Variants in TNKS2 observed in about 807,000 individuals in gnomAD.
TNKS2 encodes the protein poly [ADP-ribose] polymerase tankyrase-2.
In TNKS2, 72 loss-of-function variants were observed where a neutral mutation model predicts 137.6. That is an observed-to-expected ratio of 0.52 (90% confidence interval 0.43 to 0.64). The LOEUF (loss-of-function observed/expected upper bound fraction) is 0.64. TNKS2 is among the 30% of genes least tolerant of loss of function. The pLI is 0.00. For missense variants in TNKS2, 1,049 were observed against 1,410.2 expected (o/e 0.74, Z 4.10); for synonymous variants, 516 against 512.1 (o/e 1.01, Z -0.10).
At chr10:91,804,917 C>T (rs1024987187) in intron 1 of TNKS2, among the ~76,000 whole-genome samples, 9 of 152,120 alleles carry the variant, frequency 5.9e-5, no homozygotes, top group African/African-American at 2.2e-4. Flanking sequence ...GTATGTACCA[C>T]CACGCCTGGC....
At chr10:91,847,320 A>T (rs1264048432) in intron 18 of TNKS2, among the ~76,000 whole-genome samples, 1 of 152,116 alleles carries the variant, frequency 6.6e-6, no homozygotes, top group African/African-American at 2.4e-5. Flanking sequence ...GTACCAATAA[A>T]TGTGAGGACT....
intron 13 of TNKS2, among the ~76,000 whole-genome samples, chr10:91,839,215 A>G (rs1032204476): frequency 3.3e-5 from 5 of 152,198 alleles, no homozygotes; most frequent in Admixed American, 2.6e-4. Context: ...TTTATTATCT[A>G]TGTTGCTTTT....
At chr10:91,855,239 T>A (rs10881982) in intron 22 of TNKS2, 113 bp downstream of exon 22, 28,573 of 713,188 alleles carry the variant, frequency 0.04, 1,205 homozygotes, top group East Asian at 0.2. Flanking sequence ...ACCTATAAAA[T>A]CTGTTTTCAA....
Position 91,798,625 on chromosome 10 carries a change from C to T in TNKS2, c.-66C>T, listed in dbSNP as rs535054658. Reference sequence around the variant, plus strand: ...TTCTCCGGGGGGCCTCGCCCTCCTGCTCGCGGGGCCGGGGCTCCTGCTCCG... The same window carrying T: ...TTCTCCGGGGGGCCTCGCCCTCCTGTTCGCGGGGCCGGGGCTCCTGCTCCG... On this transcript the variant is annotated 5_prime_UTR_variant, in exon 1 of 27. Transcript: ENST00000371627. 2 of 1,208,916 alleles carry T rather than the reference C, an allele frequency of 1.7e-6. No homozygotes were observed. Among genetic ancestry groups the T allele is most frequent in the South Asian group, 4.2e-5 (1 of 23,704 alleles). 74.9% of individuals were successfully genotyped at this position (1,208,916 alleles called of 1,614,324 possible).
At chr10:91,819,593 C>A in intron 5 of TNKS2, 36 bp downstream of exon 5, 2 of 1,450,654 alleles carry the variant, frequency 1.4e-6, no homozygotes, top group Non-Finnish European at 1.9e-6. Context: ...TGCTTATCTC[C>A]TGGTAACATG....
At chr10:91,840,810 C>G in intron 14 of TNKS2, 104 bp downstream of exon 14, 2 of 1,173,716 alleles carry the variant, frequency 1.7e-6, no homozygotes, top group East Asian at 4.9e-5. Context: ...AAGCCTGTTT[C>G]CTAACATTGG....
At chr10:91,854,720 A>G (rs557459203) in intron 21 of TNKS2, among the ~76,000 whole-genome samples, 1 of 152,150 alleles carries the variant, frequency 6.6e-6, no homozygotes, top group East Asian at 1.9e-4. Flanking sequence ...CCTGACCAAC[A>G]TGGAGAAACT....
At position 91,817,211 on chromosome 10, in the gene TNKS2, G is replaced by C; in HGVS notation, c.502G>C (p.Ala168Pro). The change falls in exon 3 of 27, where the codon GCC (alanine) becomes CCC (proline). Residue 168 changes from alanine (A) to proline (P), a missense_variant. Physicochemically the swap from Ala to Pro is conservative, Grantham distance 27 (BLOSUM62 -1). Transcript: ENST00000371627. ...AGCATTGGATTTAGCAGATCCATCT[G>C]CCAAAGCAGTGCTTACTGGTAAGTC... ...RTALDLADPS[A>P]KAVLTGEYKK... 6.2e-7 allele frequency: 1 copy of C among 1,613,070 alleles called. No homozygotes were observed. Among genetic ancestry groups the C allele is most frequent in the Non-Finnish European group, 8.5e-7 (1 of 1,179,484 alleles).
intron 21 of TNKS2, among the ~76,000 whole-genome samples, chr10:91,854,758 CCA>C (rs1842649878): frequency 2.0e-5 from 3 of 151,880 alleles, no homozygotes; most frequent in Admixed American, 2.0e-4. Context: ...ACAAAATTAG[CCA>C]GTCGTGGTAG....
At chr10:91,835,222 T>G (rs1841963372) in intron 12 of TNKS2, among the ~76,000 whole-genome samples, 1 of 152,116 alleles carries the variant, frequency 6.6e-6, no homozygotes, top group Admixed American at 6.5e-5. Context: ...TAATCTGCAT[T>G]TCTGATTATG....
chr10:91,812,280 A>G (rs184239061), intron 1 of TNKS2, among the ~76,000 whole-genome samples: 17 of 152,278 alleles, frequency 1.1e-4, no homozygotes, highest in African/African-American at 4.1e-4. Context: ...GTATAAATAA[A>G]TTACCAGACT....
chr10:91,814,153 C>T (rs1488370985), intron 2 of TNKS2, among the ~76,000 whole-genome samples: 1 of 151,996 alleles, frequency 6.6e-6, no homozygotes, highest in Non-Finnish European at 1.5e-5. Flanking sequence ...AAAGACCTTC[C>T]AGTGGGAGAA....
intron 25 of TNKS2, among the ~76,000 whole-genome samples, chr10:91,860,136 A>G (rs1842815919): frequency 6.6e-6 from 1 of 152,216 alleles, no homozygotes; most frequent in Non-Finnish European, 1.5e-5. Context: ...TTGAAAGGAA[A>G]TAATAATCAA....
intron 23 of TNKS2, among the ~76,000 whole-genome samples, chr10:91,856,352 A>G (rs1452018645): frequency 2.6e-5 from 4 of 152,228 alleles, no homozygotes; most frequent in Non-Finnish European, 4.4e-5. Context: ...GACAGAATTA[A>G]TATGTGACAA....
At chr10:91,850,216 G>A (rs7096581) in intron 20 of TNKS2, among the ~76,000 whole-genome samples, 77,997 of 150,300 alleles carry the variant, frequency 0.52, 20,551 homozygotes, top group East Asian at 0.72. Flanking sequence ...AAAATACAAA[G>A]AAATTAGCCA....
rs972323328 is a variant in TNKS2, at chr10:91,798,870, C to T, written c.180C>T (p.Thr60=). The change falls in exon 1 of 27, where the codon ACC becomes ACT. Residue 60 remains threonine, a synonymous_variant. Transcript: ENST00000371627. ...GCGACACGGCGGGCAGGAAATCCAC[C>T]CCGCTGCACTTCGCCGCAGGTAACC... The part of the protein sequence containing the change: ...NSRDTAGRKS[T]PLHFAAGFGR... 1.3e-5 allele frequency: 18 copies of T among 1,364,658 alleles called. No homozygotes were observed. The highest frequency in any genetic ancestry group is 6.1e-5 in the East Asian group (2 of 32,864). The allele number at this position is 1,364,658 out of a possible 1,614,324, so 84.5% of individuals were successfully genotyped here.
rs2133671640 is a variant in TNKS2, at chr10:91,851,068, G to A, written c.2695-148G>A. The A allele has an allele frequency of 3.7e-6, 4 of 1,079,126 alleles. No individual in the cohort carries two copies. In the South Asian group the frequency reaches 6.7e-5, roughly 18 times the overall value. 66.8% of individuals were successfully genotyped at this position (1,079,126 alleles called of 1,614,324 possible). A position where few individuals can be genotyped will look rare whatever the true frequency, so the allele number is the denominator to read the frequency against. ...TGTTTTGCGTTTTAGTTCTGCTCAGGTTCTTATGCTAAATGGAAATAATAT... is the reference window on the plus strand; with the variant it reads ...TGTTTTGCGTTTTAGTTCTGCTCAGATTCTTATGCTAAATGGAAATAATAT... On this transcript the variant is annotated intron_variant, in intron 20 of 26. Coordinates refer to ENST00000371627, the MANE Select transcript of TNKS2 (RefSeq NM_025235.4).
chr10:91,854,633 G>C (rs537566312), intron 21 of TNKS2, among the ~76,000 whole-genome samples: 4 of 152,242 alleles, frequency 2.6e-5, no homozygotes, highest in African/African-American at 9.6e-5. Context: ...GCCAGGTGCA[G>C]TGGCTCACAC....
chr10:91,840,881 T>G (rs1842189879), intron 14 of TNKS2, among the ~76,000 whole-genome samples, 175 bp downstream of exon 14: 1 of 152,236 alleles, frequency 6.6e-6, no homozygotes, highest in Non-Finnish European at 1.5e-5. Flanking sequence ...AGCATTCATA[T>G]AAAGACTTTA....
Sources: allele counts gnomAD v4.1 joint callset (sites outside exome capture counted in the v4.1 genomes callset), GRCh38; gene constraint gnomAD v4.1.1; transcripts MANE v1.5; gene names NCBI Gene and HGNC (gene_info 2026-07-23, HGNC 2026-07-21).